The following ZC3H3 variants were observed in gnomAD, a reference collection of about 807,000 sequenced individuals.
ZC3H3 encodes the protein zinc finger CCCH-type containing 3, also known as zinc finger CCCH domain-containing protein 3.
In ZC3H3, 36 loss-of-function variants were observed where a neutral mutation model predicts 77.3. The observed-to-expected ratio is 0.47, with a 90% CI of 0.36 to 0.61. The LOEUF is 0.61. Ranked by LOEUF, ZC3H3 falls within the 20% of genes least tolerant of loss-of-function variation. The pLI, the probability that ZC3H3 is intolerant of heterozygous loss-of-function variation, is 0.00. For missense variants in ZC3H3, 1,331 were observed against 1,312.2 expected (o/e 1.01, Z -0.22); for synonymous variants, 626 against 555.2 (o/e 1.13, Z -1.79).
At chr8:143,527,420 C>A (rs1822450619) in intron 3 of ZC3H3, among the ~76,000 whole-genome samples, 1 of 152,166 alleles carries the variant, frequency 6.6e-6, no homozygotes, top group Non-Finnish European at 1.5e-5. Context: ...CGCCACCCTG[C>A]CTGCGCAGCC....
intron 3 of ZC3H3, among the ~76,000 whole-genome samples, chr8:143,528,563 G>A (rs969489195): frequency 6.6e-6 from 1 of 152,228 alleles, no homozygotes; most frequent in African/African-American, 2.4e-5. Flanking sequence ...GGAGGCCGGG[G>A]ATCGAGGCTG....
At chr8:143,509,043 C>T (rs995460417) in intron 3 of ZC3H3, among the ~76,000 whole-genome samples, 3 of 152,132 alleles carry the variant, frequency 2.0e-5, no homozygotes, top group African/African-American at 7.2e-5. Context: ...CCCACACTGC[C>T]CTGTCCAGAT....
intron 3 of ZC3H3, among the ~76,000 whole-genome samples, chr8:143,525,973 C>T (rs1394123328): frequency 6.6e-6 from 1 of 152,246 alleles, no homozygotes; most frequent in Non-Finnish European, 1.5e-5. Flanking sequence ...GCGGCATCGG[C>T]CTGCGGCTGG....
intron 9 of ZC3H3, among the ~76,000 whole-genome samples, chr8:143,451,576 G>A (rs1819988319): frequency 6.6e-6 from 1 of 152,018 alleles, no homozygotes; most frequent in Non-Finnish European, 1.5e-5. Context: ...GGGAGGCCAG[G>A]AGTTCAAGAC....
At chr8:143,517,808 C>T (rs192260116) in intron 3 of ZC3H3, among the ~76,000 whole-genome samples, 4 of 152,334 alleles carry the variant, frequency 2.6e-5, no homozygotes, top group Non-Finnish European at 1.5e-5. Context: ...CTGCCTGCCC[C>T]GCACCTGAGC....
At chr8:143,481,057 A>G (rs1044158216) in intron 4 of ZC3H3, among the ~76,000 whole-genome samples, 3 of 152,188 alleles carry the variant, frequency 2.0e-5, no homozygotes, top group Non-Finnish European at 4.4e-5. Flanking sequence ...CTTCAGACAC[A>G]TGCTGCCCAG....
intron 9 of ZC3H3, among the ~76,000 whole-genome samples, chr8:143,453,001 C>G (rs1224532502): frequency 6.6e-6 from 1 of 152,214 alleles, no homozygotes; most frequent in Non-Finnish European, 1.5e-5. Flanking sequence ...AGATGTCAGA[C>G]AGGATAGACC....
chr8:143,536,158 C>T, intron 3 of ZC3H3, 99 bp downstream of exon 3: 2 of 1,399,782 alleles, frequency 1.4e-6, no homozygotes, highest in Non-Finnish European at 1.9e-6. Context: ...GGGCCTCTAC[C>T]AGCATGAGGC....
intron 9 of ZC3H3, among the ~76,000 whole-genome samples, chr8:143,446,090 C>A (rs972645328): frequency 1.3e-5 from 2 of 152,178 alleles, no homozygotes; most frequent in African/African-American, 4.8e-5. Context: ...GCACCGCACA[C>A]CCGCTGGAAA....
At position 143,487,629 on chromosome 8, in the gene ZC3H3, A is replaced by G. The variant is rs375816691; in HGVS notation, c.1716-12044T>C. Among the ~76,000 whole-genome samples the G allele has an allele frequency of 9.3e-3, 211 of 22,782 alleles. 5 individuals carry two copies. The highest frequency in any genetic ancestry group is 0.028 in the Middle Eastern group (1 of 36). 14.9% of individuals were successfully genotyped at this position (22,782 alleles called of 152,430 possible). ...GACACAGAACAGCACCCGCTACACG[A>G]CCCCACCACCACGAAGCTCACACAC... On this transcript the variant is annotated intron_variant, in intron 4 of 11. Transcript: ENST00000262577.
chr8:143,501,453 C>T (rs959934588), intron 4 of ZC3H3, among the ~76,000 whole-genome samples: 13 of 152,352 alleles, frequency 8.5e-5, no homozygotes, highest in African/African-American at 3.1e-4. Context: ...GTCCACCTGC[C>T]TCGGCCTCCC....
chr8:143,507,719 G>A, intron 4 of ZC3H3, 27 bp downstream of exon 4: 2 of 1,531,198 alleles, frequency 1.3e-6, no homozygotes, highest in Non-Finnish European at 8.8e-7. Flanking sequence ...TCCCAGGCCT[G>A]CAGGAGCCTG....
At chr8:143,438,174 G>C in intron 11 of ZC3H3, 87 bp from the exon 12 acceptor site, 5 of 1,509,688 alleles carry the variant, frequency 3.3e-6, no homozygotes, top group Middle Eastern at 1.7e-4. Flanking sequence ...GCTCAGGATC[G>C]GGGGGCTCTG....
chr8:143,520,920 C>T (rs1384090464), intron 3 of ZC3H3, among the ~76,000 whole-genome samples: 1 of 152,234 alleles, frequency 6.6e-6, no homozygotes, highest in Non-Finnish European at 1.5e-5. Flanking sequence ...GCAGCACCCT[C>T]CATGGCTGGG....
At chr8:143,517,733 A>G (rs920443944) in intron 3 of ZC3H3, among the ~76,000 whole-genome samples, 1 of 152,100 alleles carries the variant, frequency 6.6e-6, no homozygotes, top group Admixed American at 6.5e-5. Flanking sequence ...GGCCCTTCCC[A>G]GGGCTGGGAG....
At chr8:143,516,659 C>T (rs774402270) in intron 3 of ZC3H3, among the ~76,000 whole-genome samples, 1 of 151,868 alleles carries the variant, frequency 6.6e-6, no homozygotes, top group East Asian at 1.9e-4. Context: ...CAGGTGCATC[C>T]GGCCCCTCCT....
intron 3 of ZC3H3, among the ~76,000 whole-genome samples, chr8:143,532,495 C>A (rs1462533437): frequency 6.6e-6 from 1 of 152,214 alleles, no homozygotes; most frequent in African/African-American, 2.4e-5. Flanking sequence ...AAAGAAAACT[C>A]CCAACAGCCA....
chr8:143,452,084 G>A (rs77211695), intron 9 of ZC3H3, among the ~76,000 whole-genome samples: 21,469 of 152,204 alleles, frequency 0.14, 1,760 homozygotes, highest in South Asian at 0.29. Context: ...AGAAGGTCTC[G>A]GGCAACAGCC....
At chr8:143,521,856 T>A (rs1406565168) in intron 3 of ZC3H3, among the ~76,000 whole-genome samples, 2 of 151,992 alleles carry the variant, frequency 1.3e-5, no homozygotes, top group African/African-American at 4.8e-5. Context: ...CACCCCACCA[T>A]CCCAACAATG....
Sources: allele counts gnomAD v4.1 joint callset (sites outside exome capture counted in the v4.1 genomes callset), GRCh38; gene constraint gnomAD v4.1.1; transcripts MANE v1.5; gene names NCBI Gene and HGNC (gene_info 2026-07-23, HGNC 2026-07-21).